The following CREBL2 variants were observed in gnomAD, a reference collection of about 807,000 sequenced individuals.
The protein encoded by CREBL2 is cAMP-responsive element-binding protein-like 2.
In CREBL2, 4 loss-of-function variants were observed where a neutral mutation model predicts 19.5. The ratio of observed to expected loss-of-function variants is 0.20; its 90% CI spans 0.10 to 0.47. CREBL2 has a LOEUF of 0.47. Ranked by LOEUF, CREBL2 falls within the 20% of genes least tolerant of loss-of-function variation. CREBL2 has a pLI of 0.98. For synonymous variants in CREBL2, 42 were observed against 46.6 expected, an observed-to-expected ratio of 0.90 and a Z score of 0.40; for missense variants, 85 against 145.1, an observed-to-expected ratio of 0.59 and a Z score of 2.13.
At chr12:12,635,367 T>TG (rs1945466910) in intron 1 of CREBL2, among the ~76,000 whole-genome samples, 1 of 143,490 alleles carries the variant, frequency 7.0e-6, no homozygotes, top group South Asian at 2.2e-4. Flanking sequence ...AGACCCTGTC[T>TG]GGAAAAAAAA....
At chr12:12,616,191 G>A (rs1292022092) in intron 1 of CREBL2, among the ~76,000 whole-genome samples, 2 of 152,068 alleles carry the variant, frequency 1.3e-5, no homozygotes, top group Non-Finnish European at 2.9e-5. Flanking sequence ...CTTTCTGAAA[G>A]TCTTCAATAA....
intron 1 of CREBL2, among the ~76,000 whole-genome samples, chr12:12,613,855 A>G (rs1232471491): frequency 6.6e-6 from 1 of 151,990 alleles, no homozygotes; most frequent in East Asian, 1.9e-4. Flanking sequence ...GATATTGGGG[A>G]AGTGGTATTT....
intron 1 of CREBL2, among the ~76,000 whole-genome samples, chr12:12,617,510 A>G (rs1945319185): frequency 6.6e-6 from 1 of 152,152 alleles, no homozygotes; most frequent in Admixed American, 6.6e-5. Context: ...GGGTTGATAC[A>G]TTTAAAGCTC....
At chr12:12,629,834 C>T (rs892268177) in intron 1 of CREBL2, among the ~76,000 whole-genome samples, 1 of 152,106 alleles carries the variant, frequency 6.6e-6, no homozygotes, top group Non-Finnish European at 1.5e-5. Flanking sequence ...GAATTTCTGT[C>T]AAGTCCTTTT....
chr12:12,617,399 G>T (rs1225951737), intron 1 of CREBL2, among the ~76,000 whole-genome samples: 1 of 151,374 alleles, frequency 6.6e-6, no homozygotes, highest in Non-Finnish European at 1.5e-5. Flanking sequence ...TACTAGGCTA[G>T]TTGGGAAGGA....
At position 12,636,367 on chromosome 12, in the gene CREBL2, CTA is replaced by C. The variant is rs1190874500; in HGVS notation, c.213+395_213+396del. On this transcript the variant is annotated intron_variant, in intron 2 of 3. Transcript: ENST00000228865. ...GACAAAGCAATATAACAATATGTAA[CTA>C]TGCATAGCATACCATTTGTGTTTAA... Among the ~76,000 whole-genome samples, 287 of 152,242 alleles carry C rather than the reference CTA, an allele frequency of 1.9e-3. 3 individuals are homozygous for C. The highest frequency in any genetic ancestry group is 7.8e-4 in the Non-Finnish European group (53 of 68,002).
At chr12:12,615,845 A>G (rs1016738901) in intron 1 of CREBL2, 5 of 152,354 alleles carry the variant, frequency 3.3e-5, no homozygotes, top group Admixed American at 2.0e-4. Context: ...GAACAACTCC[A>G]TGTGTTCTAA....
intron 1 of CREBL2, among the ~76,000 whole-genome samples, chr12:12,631,496 C>T (rs1338464525): frequency 1.3e-5 from 2 of 152,132 alleles, no homozygotes; most frequent in Non-Finnish European, 2.9e-5. Flanking sequence ...GAGTTTATGT[C>T]GGTACATGAA....
Position 12,612,232 on chromosome 12 carries a change from A to G in CREBL2, c.15+45A>G, listed in dbSNP as rs200744099. The stretch of plus-strand genomic sequence containing the variant: ...CGCGCCGCCGCCTTCTTGTCGCTCA[A>G]TGCTAGTCCCGCGGCTGAACCTCCG... On this transcript the variant is annotated intron_variant, in intron 1 of 3. Coordinates refer to ENST00000228865, the MANE Select transcript of CREBL2 (RefSeq NM_001310.4). 922 of 1,613,086 alleles carry G rather than the reference A, an allele frequency of 5.7e-4. 1 individual carries two copies. The highest frequency in any genetic ancestry group is 6.7e-4 in the Non-Finnish European group (791 of 1,179,982).
Position 12,617,643 on chromosome 12 carries a change from C to CTTTTTTTTTTTTTTTTTTTTT in CREBL2, c.15+5474_15+5494dup, listed in dbSNP as rs66943066. Among the ~76,000 whole-genome samples, 32 of 38,762 alleles carry CTTTTTTTTTTTTTTTTTTTTT rather than the reference C, an allele frequency of 8.3e-4. 11 individuals are homozygous for CTTTTTTTTTTTTTTTTTTTTT. Among genetic ancestry groups the CTTTTTTTTTTTTTTTTTTTTT allele is most frequent in the South Asian group, 3.9e-3 (3 of 764 alleles). The allele number at this position is 38,762 out of a possible 152,430, so 25.4% of individuals were successfully genotyped here. On this transcript the variant is annotated intron_variant, in intron 1 of 3. Coordinates refer to ENST00000228865, the MANE Select transcript of CREBL2 (RefSeq NM_001310.4). ...CCCTGAGATGCTCATTTTAGTAATT[C>CTTTTTTTTTTTTTTTTTTTTT]TTTTTTTTTTTTTTTTTTTTTTTTT...
chr12:12,613,917 A>ATT (rs36102670), intron 1 of CREBL2, among the ~76,000 whole-genome samples: 6,216 of 136,016 alleles, frequency 0.046, 175 homozygotes, highest in Non-Finnish European at 0.063. Context: ...TCAGCAAGTA[A>ATT]TTTTTTTTTT....
rs1328989355 is a variant in CREBL2 at position 12,637,586 on chromosome 12, T to C, written c.230T>C (p.Met77Thr). The C allele has an allele frequency of 6.3e-7, 1 of 1,587,362 alleles. No individual in the cohort carries two copies. Among genetic ancestry groups the C allele is most frequent in the South Asian group, 1.2e-5 (1 of 86,432 alleles). ...ATGTTTCAGTACAAGCAGTGGTGCATGGCAATGGACCAAGGAAAAATCCCT... is the reference window on the plus strand; with the variant it reads ...ATGTTTCAGTACAAGCAGTGGTGCACGGCAATGGACCAAGGAAAAATCCCT... ...EELEMYKQWC[M>T]AMDQGKIPSE... Residue 77 changes from methionine (M) to threonine (T), a missense_variant, in exon 3 of 4, where the codon ATG becomes ACG. Met to Thr is a moderately conservative substitution (Grantham distance 81). This residue lies in a region of CREBL2 where 22 missense variants were observed against 46.7 expected (regional missense o/e 0.47). Transcript: ENST00000228865.
intron 1 of CREBL2, among the ~76,000 whole-genome samples, chr12:12,631,332 A>AG (rs1375808700): frequency 1.3e-5 from 2 of 152,182 alleles, no homozygotes; most frequent in Non-Finnish European, 2.9e-5. Context: ...AATGTGCTCT[A>AG]GGGCAGAAAA....
intron 1 of CREBL2, 84 bp from the exon 2 acceptor site, chr12:12,635,693 G>A: frequency 1.4e-6 from 2 of 1,466,898 alleles, no homozygotes; most frequent in Non-Finnish European, 1.8e-6. Context: ...GTTTATAAAT[G>A]TTCTCTTTGC....
intron 1 of CREBL2, among the ~76,000 whole-genome samples, chr12:12,613,341 TTCTTTGTGCTTCTCAGCG>T (rs1945282400): frequency 6.6e-6 from 1 of 152,240 alleles, no homozygotes; most frequent in Non-Finnish European, 1.5e-5. Flanking sequence ...AAAACCGTCC[TTCTTTGTGCTTCTCAGCG>T]TCTTCTGTTT....
chr12:12,637,462 G>A (rs1592242506), intron 2 of CREBL2, 108 bp from the exon 3 acceptor site: 2 of 659,942 alleles, frequency 3.0e-6, no homozygotes, highest in East Asian at 8.7e-5. Context: ...AGCCATGGGA[G>A]TTCCTATGTC....
intron 2 of CREBL2, among the ~76,000 whole-genome samples, chr12:12,637,300 C>CT (rs1214350616): frequency 6.6e-6 from 1 of 152,018 alleles, no homozygotes; most frequent in Non-Finnish European, 1.5e-5. Flanking sequence ...CCACAGGGGC[C>CT]TTTTAAATCT....
intron 1 of CREBL2, among the ~76,000 whole-genome samples, chr12:12,627,701 A>G (rs1945413068): frequency 2.6e-5 from 4 of 152,196 alleles, no homozygotes; most frequent in Admixed American, 2.6e-4. Context: ...TACAAGTTCT[A>G]ATGTGGACCT....
chr12:12,644,217 G>C lies in CREBL2; in HGVS notation c.*2219G>C, dbSNP rs9531. ...AAACCTATTTATTTGGTGTTTTGGAGGAGATCACACACTAAGAGAACGTTG... is the reference window on the plus strand; with the variant it reads ...AAACCTATTTATTTGGTGTTTTGGACGAGATCACACACTAAGAGAACGTTG... On this transcript the variant is annotated 3_prime_UTR_variant, in exon 4 of 4. Transcript: ENST00000228865. The C allele has an allele frequency of 0.053, 8,061 of 152,282 alleles. 338 individuals carry two copies. The highest frequency in any genetic ancestry group is 0.15 in the Admixed American group (2,248 of 15,282). 9.4% of individuals were successfully genotyped at this position (152,282 alleles called of 1,614,324 possible).
Sources: gnomAD v4.1 joint callset for allele counts (sites outside exome capture counted in the v4.1 genomes callset) on GRCh38, gnomAD v4.1.1 for gene constraint, gnomAD v4.1.1 regional missense constraint, MANE v1.5 for transcripts, NCBI Gene and HGNC (gene_info 2026-07-23, HGNC 2026-07-21) for gene names.